The following PANX1 variants were observed in gnomAD, a reference collection of about 807,000 sequenced individuals.
The protein encoded by PANX1 is pannexin-1.
Under a neutral mutation model 38.7 loss-of-function variants are expected in PANX1, and 30 were observed. The observed-to-expected ratio is 0.78, with a 90% CI of 0.58 to 1.05. PANX1 has a LOEUF of 1.05. PANX1 is among the 50% of genes least tolerant of loss of function. PANX1 has a pLI of 0.00. For missense variants in PANX1, 551 were observed against 517.2 expected (o/e 1.07, Z -0.63); for synonymous variants, 230 against 212.2 (o/e 1.08, Z -0.73).
At chr11:94,176,763 A>G (rs1345252305) in intron 2 of PANX1, among the ~76,000 whole-genome samples, 1 of 151,638 alleles carries the variant, frequency 6.6e-6, no homozygotes, top group East Asian at 1.9e-4. Flanking sequence ...GAGTAAAGTA[A>G]TTGAGAGTGT....
chr11:94,159,799 A>T (rs1274106872), intron 2 of PANX1, among the ~76,000 whole-genome samples: 1 of 151,344 alleles, frequency 6.6e-6, no homozygotes, highest in East Asian at 2.0e-4. Flanking sequence ...TTGCTTCTCT[A>T]GTTCTTTTAA....
intron 1 of PANX1, among the ~76,000 whole-genome samples, chr11:94,142,415 T>A (rs1946773576): frequency 6.6e-6 from 1 of 152,162 alleles, no homozygotes; most frequent in Non-Finnish European, 1.5e-5. Flanking sequence ...AAGTCTGGAC[T>A]TCCCAGTCTG....
At chr11:94,159,430 G>A (rs1011664228) in intron 2 of PANX1, among the ~76,000 whole-genome samples, 12 of 152,096 alleles carry the variant, frequency 7.9e-5, no homozygotes, top group Admixed American at 7.9e-4. Flanking sequence ...CAATTTCAGA[G>A]CCTGTTATTG....
At chr11:94,173,110 G>T (rs1947187222) in intron 2 of PANX1, among the ~76,000 whole-genome samples, 1 of 151,766 alleles carries the variant, frequency 6.6e-6, no homozygotes, top group South Asian at 2.1e-4. Context: ...TACCTGAACA[G>T]CATATAGCCA....
At chr11:94,166,064 C>G (rs917536326) in intron 2 of PANX1, among the ~76,000 whole-genome samples, 1 of 152,080 alleles carries the variant, frequency 6.6e-6, no homozygotes, top group Non-Finnish European at 1.5e-5. Flanking sequence ...AACTTCATCC[C>G]CCCCTCGCTT....
At chr11:94,137,464 C>A (rs1196707900) in intron 1 of PANX1, among the ~76,000 whole-genome samples, 2 of 152,106 alleles carry the variant, frequency 1.3e-5, no homozygotes, top group Admixed American at 6.6e-5. Flanking sequence ...CTAACTGAGG[C>A]AGCGAGAGCT....
At chr11:94,158,479 GATT>G (rs1207276119) in intron 2 of PANX1, among the ~76,000 whole-genome samples, 1 of 151,888 alleles carries the variant, frequency 6.6e-6, no homozygotes, top group Non-Finnish European at 1.5e-5. Flanking sequence ...TTGTAAGTTG[GATT>G]CCTAGGTATT....
chr11:94,144,825 A>G (rs1246579045), intron 1 of PANX1, among the ~76,000 whole-genome samples: 1 of 152,152 alleles, frequency 6.6e-6, no homozygotes, highest in Admixed American at 6.5e-5. Context: ...TTGACCAAGT[A>G]TTAGCTGTCT....
chr11:94,160,276 T>C (rs529665549), intron 2 of PANX1, among the ~76,000 whole-genome samples: 14 of 152,336 alleles, frequency 9.2e-5, no homozygotes, highest in African/African-American at 3.1e-4. Flanking sequence ...AATTCCTGGA[T>C]ATCCTTGTTA....
In PANX1 at chr11:94,129,269, C is replaced by T. The variant is rs746425882; in HGVS notation, c.-44C>T. Reference sequence around the variant, plus strand: ...AGGCGCCGCGCAGCTTTCCCGACGCCGGCTGTACCCGGACCTCCTGGTCGA... The same window carrying T: ...AGGCGCCGCGCAGCTTTCCCGACGCTGGCTGTACCCGGACCTCCTGGTCGA... On this transcript the variant is annotated 5_prime_UTR_variant, in exon 1 of 5. Coordinates refer to ENST00000227638, the MANE Select transcript of PANX1 (RefSeq NM_015368.4). The T allele has an allele frequency of 2.3e-5, 35 of 1,541,326 alleles. No homozygotes were observed. Among genetic ancestry groups the T allele is most frequent in the Non-Finnish European group, 3.1e-5 (35 of 1,131,738 alleles).
chr11:94,170,451 C>T (rs1947152480), intron 2 of PANX1, among the ~76,000 whole-genome samples: 1 of 151,816 alleles, frequency 6.6e-6, no homozygotes, highest in South Asian at 2.1e-4. Context: ...TTTTGTTTAT[C>T]CGTTCATCAG....
chr11:94,135,021 A>G (rs992672204), intron 1 of PANX1, among the ~76,000 whole-genome samples: 1 of 152,176 alleles, frequency 6.6e-6, no homozygotes, highest in Non-Finnish European at 1.5e-5. Flanking sequence ...AGGGCTGTAC[A>G]AGGCCTGAGG....
chr11:94,180,985 A>G lies in PANX1; in HGVS notation c.*116A>G. Reference sequence around the variant, plus strand: ...GCAATAAATGGTTCTTGGTGGAGATACTGAGCATGTCTTATTGAGTCCCTA... The same window carrying G: ...GCAATAAATGGTTCTTGGTGGAGATGCTGAGCATGTCTTATTGAGTCCCTA... On this transcript the variant is annotated 3_prime_UTR_variant, in exon 5 of 5. Coordinates refer to ENST00000227638, the MANE Select transcript of PANX1 (RefSeq NM_015368.4). 1.5e-6 allele frequency: 1 copy of G among 687,550 alleles called. No homozygotes were observed. The highest frequency in any genetic ancestry group is 2.7e-6 in the Non-Finnish European group (1 of 377,320). 42.6% of individuals were successfully genotyped at this position (687,550 alleles called of 1,614,324 possible).
chr11:94,181,155 A>G lies in PANX1; in HGVS notation c.*286A>G, dbSNP rs540871589. The G allele has an allele frequency of 1.5e-3, 551 of 371,430 alleles. 6 individuals are homozygous for G. The South Asian group carries it at 0.024, about 16-fold the overall frequency. The allele number at this position is 371,430 out of a possible 1,614,324, so 23.0% of individuals were successfully genotyped here. On this transcript the variant is annotated 3_prime_UTR_variant, in exon 5 of 5. Transcript: ENST00000227638. ...GCAGAAAGACAAGAACAATTAGTCA[A>G]GAGCAGTAGCCCTGTCAGAGCCTCG...
intron 2 of PANX1, among the ~76,000 whole-genome samples, chr11:94,165,784 CCTG>C (rs1170416897): frequency 6.6e-6 from 1 of 152,136 alleles, no homozygotes; most frequent in African/African-American, 2.4e-5. Flanking sequence ...GTGGTGCATG[CCTG>C]TAATCCCAGC....
In PANX1 at chr11:94,180,833, G is replaced by T; in HGVS notation, c.1245G>T (p.Lys415Asn). Reference sequence around the variant, plus strand: ...AAACTAAAGCAAATAATGGAGAGAAGAATGCCCGACAGAGACTTCTGGATT... The same window carrying T: ...AAACTAAAGCAAATAATGGAGAGAATAATGCCCGACAGAGACTTCTGGATT... ...DSETKANNGE[K>N]NARQRLLDSS... is the part of the protein sequence containing the mutation. Residue 415 changes from lysine (K) to asparagine (N), a missense_variant, in exon 5 of 5, where the codon AAG (lysine) becomes AAT (asparagine). Lys to Asn is a moderately conservative substitution (Grantham distance 94). Transcript: ENST00000227638. The T allele has an allele frequency of 6.3e-7, 1 of 1,596,626 alleles. No individual in the cohort carries two copies. Among genetic ancestry groups the T allele is most frequent in the Non-Finnish European group, 8.6e-7 (1 of 1,164,078 alleles).
intron 2 of PANX1, among the ~76,000 whole-genome samples, chr11:94,157,922 G>C (rs1323068119): frequency 6.6e-6 from 1 of 152,182 alleles, no homozygotes; most frequent in Non-Finnish European, 1.5e-5. Flanking sequence ...TTTTGTATAA[G>C]GTGTAAGGAA....
At chr11:94,160,589 T>C (rs1468002741) in intron 2 of PANX1, among the ~76,000 whole-genome samples, 1 of 152,208 alleles carries the variant, frequency 6.6e-6, no homozygotes, top group Non-Finnish European at 1.5e-5. Context: ...TAGATCTTCC[T>C]CCACCCCTTT....
chr11:94,179,811 T>C lies in PANX1; in HGVS notation c.755T>C (p.Ile252Thr). The change falls in exon 4 of 5, where the codon ATC becomes ACC. Residue 252 changes from isoleucine (I) to threonine (T), a missense_variant. Transcript: ENST00000227638. ...DEFVCSIKSGILRNDSTVPDQ... is the reference protein window; with the variant it reads ...DEFVCSIKSGTLRNDSTVPDQ... Reference sequence around the variant, plus strand: ...TTTGTGTGCAGCATCAAATCAGGGATCCTGAGAAACGACAGCACCGTGCCC... The same window carrying C: ...TTTGTGTGCAGCATCAAATCAGGGACCCTGAGAAACGACAGCACCGTGCCC... The C allele has an allele frequency of 1.2e-6, 2 of 1,614,154 alleles. No individual in the cohort carries two copies. The highest frequency in any genetic ancestry group is 4.5e-5 in the East Asian group (2 of 44,874).
Sources: allele counts gnomAD v4.1 joint callset (sites outside exome capture counted in the v4.1 genomes callset), GRCh38; gene constraint gnomAD v4.1.1; transcripts MANE v1.5; gene names NCBI Gene and HGNC (gene_info 2026-07-23, HGNC 2026-07-21).